The following PTPN12 variants were observed in gnomAD, a reference collection of about 807,000 sequenced individuals.
PTPN12 encodes tyrosine-protein phosphatase non-receptor type 12.
A neutral mutation model predicts 97.6 loss-of-function variants in PTPN12; 29 were observed. The ratio of observed to expected loss-of-function variants is 0.30; its 90% confidence interval spans 0.22 to 0.41. The LOEUF (loss-of-function observed/expected upper bound fraction) is 0.41, where lower values mean the gene tolerates loss of function less well. Ranked by LOEUF, PTPN12 falls within the 10% of genes least tolerant of loss-of-function variation. PTPN12 has a pLI of 1.00. For missense variants in PTPN12, 819 were observed against 926.0 expected, an observed-to-expected ratio of 0.88 and a Z score of 1.50; for synonymous variants, 327 against 300.4, an observed-to-expected ratio of 1.09 and a Z score of -0.91.
intron 15 of PTPN12, 113 bp downstream of exon 15, chr7:77,635,962 A>G (rs1789575232): frequency 9.3e-6 from 6 of 644,320 alleles, no homozygotes; most frequent in Non-Finnish European, 9.7e-6. Context: ...TATAGTTTGT[A>G]ATTTTTGATC....
chr7:77,582,084 C>CTTTTTTTTTG, intron 3 of PTPN12, among the ~76,000 whole-genome samples: 1 of 52,846 alleles, frequency 1.9e-5, no homozygotes, highest in Non-Finnish European at 3.3e-5. Flanking sequence ...CAGTCAAGTT[C>CTTTTTTTTTG]TTTTTTTTTT....
intron 12 of PTPN12, among the ~76,000 whole-genome samples, chr7:77,620,557 C>T (rs914751418): frequency 6.6e-6 from 1 of 152,192 alleles, no homozygotes; most frequent in African/African-American, 2.4e-5. Context: ...TCCAACATAA[C>T]TGAAAATAAA....
At chr7:77,569,504 C>G (rs1310575808) in intron 1 of PTPN12, among the ~76,000 whole-genome samples, 5 of 152,202 alleles carry the variant, frequency 3.3e-5, no homozygotes, top group African/African-American at 1.2e-4. Context: ...GGGCGCGTGG[C>G]TCACACCTGT....
intron 12 of PTPN12, among the ~76,000 whole-genome samples, chr7:77,619,676 C>T (rs1014407220): frequency 2.0e-5 from 3 of 152,150 alleles, no homozygotes; most frequent in Non-Finnish European, 2.9e-5. Context: ...TACTTTACTT[C>T]ATTGTAGTGA....
chr7:77,542,736 A>C (rs1807036856), intron 1 of PTPN12, among the ~76,000 whole-genome samples: 1 of 152,138 alleles, frequency 6.6e-6, no homozygotes, highest in African/African-American at 2.4e-5. Flanking sequence ...AGTAGAGGAG[A>C]CCAAACAACA....
At chr7:77,603,048 C>T (rs1275297469) in intron 8 of PTPN12, among the ~76,000 whole-genome samples, 1 of 152,058 alleles carries the variant, frequency 6.6e-6, no homozygotes, top group Non-Finnish European at 1.5e-5. Flanking sequence ...TATTCATGGG[C>T]CAGGAAAGTA....
intron 5 of PTPN12, among the ~76,000 whole-genome samples, chr7:77,590,559 CT>C (rs539493706): frequency 0.012 from 1,727 of 141,660 alleles, 33 homozygotes; most frequent in African/African-American, 0.038. Flanking sequence ...TTTTTTAAAT[CT>C]TTTTTTTTTT....
intron 1 of PTPN12, among the ~76,000 whole-genome samples, chr7:77,566,140 A>G (rs1442946868): frequency 2.6e-5 from 4 of 152,228 alleles, no homozygotes; most frequent in Non-Finnish European, 5.9e-5. Flanking sequence ...AAAATTGTGC[A>G]ACTTTGATAT....
intron 1 of PTPN12, chr7:77,537,986 G>GGC (rs1000692923): frequency 2.0e-6 from 2 of 999,868 alleles, no homozygotes; most frequent in South Asian, 3.2e-5. Context: ...GCCGGGGGGG[G>GGC]GGGCTCGCGT....
chr7:77,539,717 C>T (rs921186690), intron 1 of PTPN12, among the ~76,000 whole-genome samples: 9 of 152,184 alleles, frequency 5.9e-5, no homozygotes, highest in African/African-American at 1.9e-4. Flanking sequence ...CAACCTCTGC[C>T]TCCCAGATTC....
intron 5 of PTPN12, among the ~76,000 whole-genome samples, chr7:77,589,137 G>C (rs979675169): frequency 5.9e-5 from 9 of 152,142 alleles, no homozygotes; most frequent in Non-Finnish European, 1.2e-4. Flanking sequence ...GTCTCCCAAA[G>C]TGCTGGGATT....
In PTPN12 at chr7:77,634,249, T is replaced by C. The variant is rs73370388; in HGVS notation, c.2075-1533T>C. Among the ~76,000 whole-genome samples the C allele has an allele frequency of 7.8e-3, 1,193 of 152,158 alleles. 22 individuals are homozygous for C. Among genetic ancestry groups the C allele is most frequent in the African/African-American group, 0.028 (1,154 of 41,508 alleles). On this transcript the variant is annotated intron_variant, in intron 14 of 17. Coordinates refer to ENST00000248594, the MANE Select transcript of PTPN12 (RefSeq NM_002835.4). ...TATCAGAACTGGGAGAAAGTGATGA[T>C]ACTTTAAAACATTGATAATATACTT...
At position 77,614,716 on chromosome 7, in the gene PTPN12, A is replaced by C. The variant is rs117578340; in HGVS notation, c.939+3670A>C. Among the ~76,000 whole-genome samples, 500 of 152,304 alleles carry C rather than the reference A, an allele frequency of 3.3e-3. 2 individuals are homozygous for C. The highest frequency in any genetic ancestry group is 5.9e-3 in the Non-Finnish European group (399 of 68,008). On this transcript the variant is annotated intron_variant, in intron 11 of 17. Coordinates refer to ENST00000248594, the MANE Select transcript of PTPN12 (RefSeq NM_002835.4). ...CTGTGGTTGCAGACCATAAATCTTA[A>C]AGAAAATGTGGAATCTGAAAAATTG...
chr7:77,564,476 C>A (rs1012860997), intron 1 of PTPN12, among the ~76,000 whole-genome samples: 1 of 151,884 alleles, frequency 6.6e-6, no homozygotes, highest in Non-Finnish European at 1.5e-5. Flanking sequence ...TGAACTATGT[C>A]CCAAACCTGC....
Position 77,571,075 on chromosome 7 carries a change from A to C in PTPN12, c.100-3A>C. On this transcript the variant is annotated splice_polypyrimidine_tract_variant and splice_region_variant and intron_variant, in intron 1 of 17. Transcript: ENST00000248594. ...CTTTAATTTTTATTTGTTGTATTTT[A>C]AGCGGTTAAGAAGATTGTCTACCAA... is the stretch of plus-strand genomic sequence containing the variant. 6.5e-7 allele frequency: 1 copy of C among 1,529,132 alleles called. No individual in the cohort carries two copies. The allele number at this position is 1,529,132 out of a possible 1,614,324, so 94.7% of individuals were successfully genotyped here. A position where few individuals can be genotyped will look rare whatever the true frequency, so the allele number is the denominator to read the frequency against.
chr7:77,550,297 A>G (rs1807422542), intron 1 of PTPN12, among the ~76,000 whole-genome samples: 1 of 152,220 alleles, frequency 6.6e-6, no homozygotes, highest in Admixed American at 6.5e-5. Flanking sequence ...TTTGTAATTC[A>G]TCTAATACGG....
chr7:77,537,923 T>G (rs1806738228), intron 1 of PTPN12: 2 of 607,904 alleles, frequency 3.3e-6, no homozygotes, highest in Non-Finnish European at 4.4e-6. Flanking sequence ...GCACCGTGGC[T>G]CGCGACCACC....
chr7:77,621,025 GC>G (rs1221501296), intron 12 of PTPN12, among the ~76,000 whole-genome samples: 1 of 151,942 alleles, frequency 6.6e-6, no homozygotes, highest in Non-Finnish European at 1.5e-5. Flanking sequence ...ATTTTGGGAG[GC>G]TAAGGTGGGC....
intron 1 of PTPN12, among the ~76,000 whole-genome samples, chr7:77,559,941 C>A (rs570372987): frequency 6.6e-6 from 1 of 152,110 alleles, no homozygotes; most frequent in African/African-American, 2.4e-5. Flanking sequence ...ATATTAAAGG[C>A]AAGAATGACA....
Sources: gnomAD v4.1 joint callset for allele counts (sites outside exome capture counted in the v4.1 genomes callset) on GRCh38, gnomAD v4.1.1 for gene constraint, MANE v1.5 for transcripts, NCBI Gene and HGNC (gene_info 2026-07-23, HGNC 2026-07-21) for gene names.